SMAD3: variants seen among roughly 807,000 people sequenced by gnomAD.
SMAD3 encodes MAD homolog 3.
A neutral mutation model predicts 51.8 loss-of-function variants in SMAD3; 12 were observed. The ratio of observed to expected loss-of-function variants is 0.23; its 90% CI spans 0.15 to 0.38. SMAD3 has a LOEUF of 0.38. SMAD3 is among the 10% of genes least tolerant of loss of function. The pLI, the probability that SMAD3 is intolerant of heterozygous loss-of-function variation, is 1.00. For synonymous variants in SMAD3, 238 were observed against 227.7 expected (o/e 1.05, Z -0.41); for missense variants, 294 against 565.6 (o/e 0.52, Z 4.87).
intron 7 of SMAD3, chr15:67,186,812 G>C (rs1351010723): frequency 3.0e-6 from 1 of 335,314 alleles, no homozygotes; most frequent in Non-Finnish European, 5.9e-6. Context: ...CATCAGAGGA[G>C]CCCAGGTGGA....
intron 1 of SMAD3, among the ~76,000 whole-genome samples, chr15:67,109,630 AAC>A (rs1003865594): frequency 1.3e-5 from 2 of 152,184 alleles, no homozygotes; most frequent in African/African-American, 4.8e-5. Context: ...GAATAATTAA[AAC>A]ACACACGCAC....
Position 67,192,325 on chromosome 15 carries a change from A to G in SMAD3, c.*1789A>G. 4.3e-6 allele frequency: 1 copy of G among 233,138 alleles called. No homozygotes were observed. The allele number at this position is 233,138 out of a possible 1,614,324, so 14.4% of individuals were successfully genotyped here. ...TGAGGACACAGGAAGAGACGGAAGGAGCACCTTGACAGACTTGTGTGAGTC... is the reference window on the plus strand; with the variant it reads ...TGAGGACACAGGAAGAGACGGAAGGGGCACCTTGACAGACTTGTGTGAGTC... On this transcript the variant is annotated 3_prime_UTR_variant, in exon 9 of 9. Transcript: ENST00000327367.
At chr15:67,092,845 A>G (rs1156441598) in intron 1 of SMAD3, among the ~76,000 whole-genome samples, 1 of 152,236 alleles carries the variant, frequency 6.6e-6, no homozygotes. Flanking sequence ...ATGTAATAAC[A>G]GGCACGATGT....
intron 1 of SMAD3, among the ~76,000 whole-genome samples, chr15:67,084,070 C>CTTTTTTTTTTTTTTTT (rs56675753): frequency 7.1e-5 from 6 of 85,070 alleles, no homozygotes; most frequent in South Asian, 5.8e-4. Flanking sequence ...CTTTTTTTTT[C>CTTTTTTTTTTTTTTTT]TTTTTTTTTT....
chr15:67,117,984 C>A (rs1265609248), intron 1 of SMAD3, among the ~76,000 whole-genome samples: 1 of 152,200 alleles, frequency 6.6e-6, no homozygotes, highest in Non-Finnish European at 1.5e-5. Context: ...CCCAGCTACT[C>A]AGGAGGCTAA....
chr15:67,117,495 C>T (rs1961161762), intron 1 of SMAD3, among the ~76,000 whole-genome samples: 1 of 152,144 alleles, frequency 6.6e-6, no homozygotes, highest in Non-Finnish European at 1.5e-5. Flanking sequence ...CACCCCACTG[C>T]ACAGAGCAGC....
intron 4 of SMAD3, 26 bp downstream of exon 4, chr15:67,166,879 A>G (rs760960703): frequency 6.5e-7 from 1 of 1,548,304 alleles, no homozygotes; most frequent in Non-Finnish European, 8.8e-7. Context: ...TCATGCTCTT[A>G]TTCTTAACTG....
intron 7 of SMAD3, among the ~76,000 whole-genome samples, chr15:67,186,243 C>G (rs1963219693): frequency 6.6e-6 from 1 of 152,232 alleles, no homozygotes; most frequent in Non-Finnish European, 1.5e-5. Flanking sequence ...TGCTGGGGGT[C>G]AGGGCCCAGG....
At chr15:67,130,196 G>A (rs997249351) in intron 1 of SMAD3, among the ~76,000 whole-genome samples, 3 of 152,178 alleles carry the variant, frequency 2.0e-5, no homozygotes, top group Admixed American at 2.0e-4. Context: ...TACAGATGAG[G>A]CAACAGAAAC....
At chr15:67,109,336 A>G (rs917642305) in intron 1 of SMAD3, among the ~76,000 whole-genome samples, 1 of 152,174 alleles carries the variant, frequency 6.6e-6, no homozygotes, top group Admixed American at 6.5e-5. Flanking sequence ...AAGCTGGGTG[A>G]CCTTGTGCAA....
At chr15:67,076,651 A>T (rs538201653) in intron 1 of SMAD3, among the ~76,000 whole-genome samples, 4 of 152,338 alleles carry the variant, frequency 2.6e-5, no homozygotes, top group African/African-American at 9.6e-5. Flanking sequence ...TTGGCCCTCC[A>T]CCTGGCTGTG....
chr15:67,090,197 G>A (rs1960481351), intron 1 of SMAD3, among the ~76,000 whole-genome samples: 2 of 152,182 alleles, frequency 1.3e-5, no homozygotes, highest in African/African-American at 4.8e-5. Context: ...ACTGAGAGGT[G>A]GACTCTGAAG....
chr15:67,131,405 C>G (rs965716894), intron 1 of SMAD3, among the ~76,000 whole-genome samples: 1 of 152,178 alleles, frequency 6.6e-6, no homozygotes. Context: ...TGCCAGGCAT[C>G]GAGCTGTGTT....
At chr15:67,112,256 TCTC>T (rs1961034245) in intron 1 of SMAD3, among the ~76,000 whole-genome samples, 1 of 150,180 alleles carries the variant, frequency 6.7e-6, no homozygotes, top group Non-Finnish European at 1.5e-5. Context: ...TTCAAGCAAT[TCTC>T]CTGCCTTAGC....
chr15:67,171,492 T>C (rs2140302188), intron 5 of SMAD3, among the ~76,000 whole-genome samples: 1 of 152,326 alleles, frequency 6.6e-6, no homozygotes, highest in Non-Finnish European at 1.5e-5. Context: ...TATTCTGGTC[T>C]GGTAGTTTTA....
intron 1 of SMAD3, among the ~76,000 whole-genome samples, chr15:67,150,843 C>G: frequency 3.4e-5 from 1 of 29,556 alleles, no homozygotes; most frequent in Non-Finnish European, 7.3e-5. Context: ...AGCTATTTCT[C>G]AGTCTTTTTT....
At chr15:67,157,293 G>A (rs753610254) in intron 1 of SMAD3, among the ~76,000 whole-genome samples, 1 of 152,228 alleles carries the variant, frequency 6.6e-6, no homozygotes, top group African/African-American at 2.4e-5. Flanking sequence ...GATATGGTAG[G>A]TATTCAATAA....
intron 1 of SMAD3, among the ~76,000 whole-genome samples, chr15:67,159,595 G>A (rs1471112532): frequency 6.6e-6 from 1 of 152,058 alleles, no homozygotes; most frequent in African/African-American, 2.4e-5. Context: ...ATAGCAGTAA[G>A]AGAATATACA....
intron 7 of SMAD3, 31 bp downstream of exon 7, chr15:67,184,895 G>C (rs951444228): frequency 6.2e-7 from 1 of 1,612,112 alleles, no homozygotes; most frequent in African/African-American, 1.3e-5. Flanking sequence ...CCCCTGCCTT[G>C]AGGTCCCTCT....
Sources: allele counts gnomAD v4.1 joint callset (sites outside exome capture counted in the v4.1 genomes callset), GRCh38; gene constraint gnomAD v4.1.1; transcripts MANE v1.5; gene names NCBI Gene and HGNC (gene_info 2026-07-23, HGNC 2026-07-21).